WDFY4: variants seen among roughly 807,000 people sequenced by gnomAD.
WDFY4 encodes WDFY family member 4, also known as WD repeat- and FYVE domain-containing protein 4.
A neutral mutation model predicts 351.9 loss-of-function variants in WDFY4; 169 were observed. The observed-to-expected ratio is 0.48, with a 90% confidence interval of 0.42 to 0.55. WDFY4 has a LOEUF of 0.55. Among genes scored for constraint, WDFY4 ranks in the 20% least tolerant of loss-of-function variants. The pLI, the probability that WDFY4 is intolerant of heterozygous loss-of-function variation, is 0.00. For missense variants in WDFY4, 3,803 were observed against 3,935.6 expected, an observed-to-expected ratio of 0.97 and a Z score of 0.90; for synonymous variants, 1,622 against 1,574.6, an observed-to-expected ratio of 1.03 and a Z score of -0.71.
intron 47 of WDFY4, among the ~76,000 whole-genome samples, chr10:48,933,799 C>G (rs1308307570): frequency 6.6e-6 from 1 of 152,068 alleles, no homozygotes; most frequent in Non-Finnish European, 1.5e-5. Context: ...ACCTTGTGTT[C>G]TAGGGTTTCA....
chr10:48,779,758 A>G (rs2066157564), intron 18 of WDFY4, among the ~76,000 whole-genome samples, 183 bp from the exon 19 acceptor site: 1 of 152,228 alleles, frequency 6.6e-6, no homozygotes, highest in Non-Finnish European at 1.5e-5. Flanking sequence ...AACTGGCACA[A>G]AGGAAGAGCT....
intron 17 of WDFY4, 48 bp downstream of exon 17, chr10:48,777,543 TGA>T (rs1407943209): frequency 6.7e-7 from 1 of 1,503,528 alleles, no homozygotes; most frequent in Non-Finnish European, 9.1e-7. Context: ...TTCCAAAGTA[TGA>T]GTCTTCAGAT....
At chr10:48,969,757 A>T (rs1842255904) in intron 56 of WDFY4, among the ~76,000 whole-genome samples, 1 of 146,240 alleles carries the variant, frequency 6.8e-6, no homozygotes, top group African/African-American at 2.5e-5. Context: ...TAATCCCATC[A>T]CTTACAATGA....
At chr10:48,905,373 T>C (rs1344312478) in intron 47 of WDFY4, among the ~76,000 whole-genome samples, 3 of 152,056 alleles carry the variant, frequency 2.0e-5, no homozygotes, top group African/African-American at 7.2e-5. Context: ...TGTAGATGAG[T>C]CAAATGTCTG....
At chr10:48,738,942 A>G (rs1230539979) in intron 11 of WDFY4, among the ~76,000 whole-genome samples, 1 of 152,166 alleles carries the variant, frequency 6.6e-6, no homozygotes, top group African/African-American at 2.4e-5. Flanking sequence ...TATTTCAAAC[A>G]CCAGTGGCAC....
chr10:48,814,102 T>C lies in WDFY4; in HGVS notation c.5340+20T>C, dbSNP rs542975721. The C allele has an allele frequency of 1.3e-6, 2 of 1,526,126 alleles. No individual in the cohort carries two copies. The highest frequency in any genetic ancestry group is 1.2e-5 in the South Asian group (1 of 81,028). 94.5% of individuals were successfully genotyped at this position (1,526,126 alleles called of 1,614,324 possible). On this transcript the variant is annotated intron_variant, in intron 31 of 61. Transcript: ENST00000325239. ...AGCCAGGTGAGACCCATTCCCCACA[T>C]GCTGCCCCGAGGAGGTTCTGATGGG...
At chr10:48,930,079 T>G (rs1839899147) in intron 47 of WDFY4, among the ~76,000 whole-genome samples, 1 of 152,070 alleles carries the variant, frequency 6.6e-6, no homozygotes, top group Admixed American at 6.6e-5. Context: ...CCATTTCAGT[T>G]CCTAGCACAG....
chr10:48,943,561 G>A, intron 49 of WDFY4, 112 bp downstream of exon 49: 2 of 1,178,178 alleles, frequency 1.7e-6, no homozygotes, highest in Non-Finnish European at 1.1e-6. Context: ...ACATGAACCT[G>A]GGTACCTGGG....
intron 40 of WDFY4, among the ~76,000 whole-genome samples, chr10:48,868,439 C>A (rs1043803943): frequency 6.6e-6 from 1 of 152,114 alleles, no homozygotes; most frequent in Admixed American, 6.5e-5. Flanking sequence ...TTTGGTTGGA[C>A]AAGGGTTTTC....
chr10:48,810,381 C>T, intron 28 of WDFY4, 149 bp from the exon 29 acceptor site: 1 of 704,688 alleles, frequency 1.4e-6, no homozygotes, highest in South Asian at 2.0e-5. Context: ...TTTTATTTTA[C>T]TATTCTTTTT....
At position 48,688,276 on chromosome 10, in the gene WDFY4, C is replaced by A. The variant is rs548192249; in HGVS notation, c.-18+3275C>A. 5.9e-5 allele frequency among the ~76,000 whole-genome samples: 9 copies of A among 152,264 alleles called. No homozygotes were observed. In the South Asian group the frequency reaches 1.7e-3, roughly 28 times the overall value. On this transcript the variant is annotated intron_variant, in intron 1 of 61. Transcript: ENST00000325239. ...AGAGCCTCCCCATTCTTTTCTTCTTCCATCCTGTCTTGAGAATTCTTGGTA... is the reference window on the plus strand; with the variant it reads ...AGAGCCTCCCCATTCTTTTCTTCTTACATCCTGTCTTGAGAATTCTTGGTA...
chr10:48,788,176 C>T (rs1046055681), intron 20 of WDFY4, among the ~76,000 whole-genome samples: 15 of 151,562 alleles, frequency 9.9e-5, no homozygotes, highest in African/African-American at 2.4e-4. Context: ...TACAGGCATG[C>T]GCCACCATGC....
chr10:48,952,093 C>T (rs1423357765), intron 51 of WDFY4, among the ~76,000 whole-genome samples: 1 of 152,150 alleles, frequency 6.6e-6, no homozygotes, highest in East Asian at 1.9e-4. Context: ...CTTGGCCCAT[C>T]CTGGCTGTTG....
At chr10:48,729,176 G>A (rs894200407) in intron 7 of WDFY4, among the ~76,000 whole-genome samples, 2 of 152,254 alleles carry the variant, frequency 1.3e-5, no homozygotes, top group African/African-American at 4.8e-5. Flanking sequence ...GTTCAGTCAT[G>A]GAAAGTGACT....
At chr10:48,788,804 C>A (rs1176050816) in intron 21 of WDFY4, 129 bp downstream of exon 21, 9 of 1,253,738 alleles carry the variant, frequency 7.2e-6, no homozygotes, top group Non-Finnish European at 9.6e-6. Context: ...ATACATGTTT[C>A]CCACTTCATT....
chr10:48,826,733 TAA>T lies in WDFY4; in HGVS notation c.6047_6048del (p.Lys2016SerfsTer56), dbSNP rs1396383115. ...TCAGCACTTTATACAGCAGTTTAAA[TAA>T]AGTCATTCTTTATTGCCTATCCAAG... ...VLSTLYSSLN[K>X]VILYCLSKPQ... is the part of the protein sequence containing the mutation. On this transcript the variant is annotated frameshift_variant, in exon 36 of 62. Transcript: ENST00000325239. LOFTEE classifies it high-confidence loss of function. 2 of 1,551,766 alleles carry T rather than the reference TAA, an allele frequency of 1.3e-6. No homozygotes were observed.
At chr10:48,792,338 C>T (rs574905015) in intron 23 of WDFY4, among the ~76,000 whole-genome samples, 1 of 152,284 alleles carries the variant, frequency 6.6e-6, no homozygotes, top group South Asian at 2.1e-4. Context: ...GTTTTAATTG[C>T]TCTCGCACCC....
At chr10:48,754,992 T>A (rs2065292025) in intron 12 of WDFY4, among the ~76,000 whole-genome samples, 1 of 152,196 alleles carries the variant, frequency 6.6e-6, no homozygotes, top group Non-Finnish European at 1.5e-5. Context: ...CTATGGGTTT[T>A]AATTCATGTG....
chr10:48,907,084 A>G (rs1837653251), intron 47 of WDFY4, among the ~76,000 whole-genome samples: 1 of 152,194 alleles, frequency 6.6e-6, no homozygotes, highest in South Asian at 2.1e-4. Flanking sequence ...AATTCTCTGT[A>G]TCAGTTCTCT....
Sources: gnomAD v4.1 joint callset for allele counts (sites outside exome capture counted in the v4.1 genomes callset) on GRCh38, gnomAD v4.1.1 for gene constraint, MANE v1.5 for transcripts, NCBI Gene and HGNC (gene_info 2026-07-23, HGNC 2026-07-21) for gene names.